Variants in EPM2A observed in about 807,000 individuals in gnomAD.
EPM2A encodes the protein laforin.
In EPM2A, 21 loss-of-function variants were observed where a neutral mutation model predicts 26.5. The ratio of observed to expected loss-of-function variants is 0.79; its 90% CI spans 0.56 to 1.14. EPM2A has a LOEUF of 1.14. EPM2A is among the 50% of genes most tolerant of loss of function. EPM2A has a pLI of 0.00. For missense variants in EPM2A, 458 were observed against 440.8 expected (o/e 1.04, Z -0.35); for synonymous variants, 217 against 177.6 (o/e 1.22, Z -1.76).
intron 2 of EPM2A, among the ~76,000 whole-genome samples, chr6:145,600,660 G>A (rs545762985): frequency 1.8e-4 from 28 of 152,152 alleles, no homozygotes; most frequent in Non-Finnish European, 3.5e-4. Flanking sequence ...TTGATATTAA[G>A]CTTTAACAGT....
intron 2 of EPM2A, among the ~76,000 whole-genome samples, chr6:145,519,083 T>A (rs1490697744): frequency 6.6e-6 from 1 of 152,256 alleles, no homozygotes; most frequent in African/African-American, 2.4e-5. Context: ...GGATAATAGC[T>A]ATATTTCCTT....
At chr6:145,410,434 T>C (rs544819522) in intron 4 of EPM2A, among the ~76,000 whole-genome samples, 14 of 152,258 alleles carry the variant, frequency 9.2e-5, no homozygotes, top group Non-Finnish European at 1.6e-4. Context: ...TTCGAGGCAA[T>C]AGAAAAGCCT....
At chr6:145,486,356 T>C (rs939015418) in intron 4 of EPM2A, among the ~76,000 whole-genome samples, 10 of 152,186 alleles carry the variant, frequency 6.6e-5, no homozygotes, top group Non-Finnish European at 1.5e-4. Context: ...CAACATGATG[T>C]TATAACATAC....
At chr6:145,463,054 A>G (rs548965438) in intron 4 of EPM2A, among the ~76,000 whole-genome samples, 1 of 152,196 alleles carries the variant, frequency 6.6e-6, no homozygotes, top group East Asian at 1.9e-4. Context: ...GCACAGAAAC[A>G]TTACATTGTA....
At chr6:145,673,563 C>T (rs1779807389) in intron 2 of EPM2A, among the ~76,000 whole-genome samples, 1 of 152,208 alleles carries the variant, frequency 6.6e-6, no homozygotes, top group African/African-American at 2.4e-5. Context: ...AAACAGGACA[C>T]TTTCACTCAA....
intron 2 of EPM2A, among the ~76,000 whole-genome samples, chr6:145,585,437 A>T (rs1190484039): frequency 6.6e-6 from 1 of 152,014 alleles, no homozygotes; most frequent in Non-Finnish European, 1.5e-5. Flanking sequence ...TCTGAGTTTC[A>T]TTTTAGAAAG....
intron 2 of EPM2A, among the ~76,000 whole-genome samples, chr6:145,611,583 T>C (rs1775392938): frequency 6.6e-6 from 1 of 152,066 alleles, no homozygotes; most frequent in Admixed American, 6.5e-5. Flanking sequence ...AATTAACAGT[T>C]GTTAACTTCC....
Position 145,456,586 on chromosome 6 carries a change from AT to A in EPM2A, c.555+45935del, listed in dbSNP as rs576628373. ...TATTTCATTTGACCATTTCCATTCCATTTTTTTCTCTTAATGAATATGGACA... is the reference window on the plus strand; with the variant it reads ...TATTTCATTTGACCATTTCCATTCCATTTTTTCTCTTAATGAATATGGACA... On this transcript the variant is annotated intron_variant, in intron 4 of 4. Coordinates refer to the EPM2A transcript ENST00000638717. 6.5e-3 allele frequency among the ~76,000 whole-genome samples: 985 copies of A among 152,178 alleles called. 13 individuals are homozygous for A. The highest frequency in any genetic ancestry group is 0.023 in the African/African-American group (945 of 41,506).
At chr6:145,491,765 A>C (rs924580125) in intron 4 of EPM2A, 1 of 531,808 alleles carries the variant, frequency 1.9e-6, no homozygotes, top group Admixed American at 2.0e-5. Context: ...GCATTTGTAC[A>C]ACTCTGCTGC....
chr6:145,445,798 C>G (rs902481028), intron 4 of EPM2A, among the ~76,000 whole-genome samples: 1 of 152,154 alleles, frequency 6.6e-6, no homozygotes, highest in Non-Finnish European at 1.5e-5. Context: ...TTAAAAATGG[C>G]TATAAATTCT....
chr6:145,733,210 C>T (rs1776593605), intron 1 of EPM2A, among the ~76,000 whole-genome samples: 1 of 151,822 alleles, frequency 6.6e-6, no homozygotes, highest in Middle Eastern at 3.2e-3. Flanking sequence ...GAGTAACTTC[C>T]TAGAAAGTCA....
intron 1 of EPM2A, among the ~76,000 whole-genome samples, chr6:145,723,715 G>C (rs192281866): frequency 6.6e-6 from 1 of 152,222 alleles, no homozygotes; most frequent in Admixed American, 6.5e-5. Context: ...TAAATGCCAT[G>C]GATTTCTGAC....
chr6:145,439,586 A>G (rs963365390), intron 4 of EPM2A, among the ~76,000 whole-genome samples: 1 of 152,032 alleles, frequency 6.6e-6, no homozygotes, highest in Admixed American at 6.5e-5. Flanking sequence ...GCTTTTTTTC[A>G]TATGCTTGTT....
chr6:145,555,276 CCAG>C (rs905159279), intron 2 of EPM2A, among the ~76,000 whole-genome samples: 2 of 152,014 alleles, frequency 1.3e-5, no homozygotes, highest in Admixed American at 1.3e-4. Context: ...TAACCCTGGA[CCAG>C]CTCCAGGGCA....
chr6:145,575,216 G>A (rs1265259073), intron 2 of EPM2A, among the ~76,000 whole-genome samples: 1 of 152,148 alleles, frequency 6.6e-6, no homozygotes, highest in Non-Finnish European at 1.5e-5. Context: ...CACTACTGGG[G>A]ATGGGGAAGC....
chr6:145,497,085 G>C (rs186031189), downstream of EPM2A, among the ~76,000 whole-genome samples: 112 of 152,244 alleles, frequency 7.4e-4, no homozygotes, highest in African/African-American at 2.6e-3. Context: ...GCCTCAGCCT[G>C]GTTCTGAACC....
chr6:145,450,164 T>A (rs554026829), intron 4 of EPM2A, among the ~76,000 whole-genome samples: 97 of 151,722 alleles, frequency 6.4e-4, no homozygotes, highest in African/African-American at 2.3e-3. Flanking sequence ...CCACCCTGGC[T>A]AACACAGTGA....
At chr6:145,541,048 C>T (rs762661514) in intron 2 of EPM2A, among the ~76,000 whole-genome samples, 3 of 152,020 alleles carry the variant, frequency 2.0e-5, no homozygotes, top group Non-Finnish European at 4.4e-5. Context: ...CACATACATG[C>T]ACGCATTCCA....
intron 3 of EPM2A, among the ~76,000 whole-genome samples, chr6:145,502,234 A>AT (rs1489785332): frequency 1.3e-5 from 2 of 152,264 alleles, no homozygotes; most frequent in Admixed American, 1.3e-4. Context: ...ATTCTCTGAC[A>AT]TCTGGGCATC....
Sources: gnomAD v4.1 joint callset for allele counts (sites outside exome capture counted in the v4.1 genomes callset) on GRCh38, gnomAD v4.1.1 for gene constraint, MANE v1.5 for transcripts, NCBI Gene and HGNC (gene_info 2026-07-23, HGNC 2026-07-21) for gene names.